The following EFHC2 variants were observed in gnomAD, a reference collection of about 807,000 sequenced individuals.
EFHC2 encodes EF-hand domain-containing family member C2.
EFHC2 carries 18 observed loss-of-function variants against 52.7 expected under a neutral mutation model. The ratio of observed to expected loss-of-function variants is 0.34; its 90% CI spans 0.24 to 0.51. The LOEUF (loss-of-function observed/expected upper bound fraction) is 0.51, where lower values mean the gene tolerates loss of function less well. EFHC2 is among the 20% of genes least tolerant of loss of function. The pLI is 0.97. For synonymous variants in EFHC2, 203 were observed against 204.1 expected, an observed-to-expected ratio of 0.99 and a Z score of 0.04; for missense variants, 513 against 562.5, an observed-to-expected ratio of 0.91 and a Z score of 0.89.
Position 44,242,265 on chromosome X carries a change from T to C in EFHC2, c.1136A>G (p.Lys379Arg). The C allele has an allele frequency of 8.3e-7, 1 of 1,208,224 alleles. No individual in the cohort carries two copies. The highest frequency in any genetic ancestry group is 1.8e-5 in the South Asian group (1 of 55,847). The change falls in exon 8 of 15, where the codon AAG becomes AGG. Residue 379 changes from lysine to arginine, a missense_variant. By Grantham distance (26) the Lys-to-Arg change is conservative (BLOSUM62 2). Coordinates refer to ENST00000420999, the MANE Select transcript of EFHC2 (RefSeq NM_025184.4). ...TATTTTTGGAGGAGGAGAAGGAGGC[T>C]TGCATGAAACTGAGGTAAAGTTCTC... ...GIENFTSVSC[K>R]PPSPPPKIER...
chrX:44,331,222 A>C (rs1248673001), intron 1 of EFHC2, among the ~76,000 whole-genome samples: 1 of 112,494 alleles, frequency 8.9e-6, no homozygotes, highest in African/African-American at 3.2e-5. Context: ...TGATATACGC[A>C]ACCACCTGGA....
chrX:44,315,771 G>T (rs762464224), intron 1 of EFHC2, among the ~76,000 whole-genome samples: 1 of 111,101 alleles, frequency 9.0e-6, no homozygotes, highest in Admixed American at 9.6e-5. Context: ...TCCAAGCAGG[G>T]TTAGGAGTGA....
intron 1 of EFHC2, among the ~76,000 whole-genome samples, chrX:44,314,984 T>G (rs184521052): frequency 8.9e-6 from 1 of 111,780 alleles, no homozygotes; most frequent in East Asian, 2.8e-4. Flanking sequence ...AATCTCATGT[T>G]GAAATGTGAT....
At chrX:44,167,528 T>C (rs183441414) in intron 13 of EFHC2, among the ~76,000 whole-genome samples, 19 of 112,648 alleles carry the variant, frequency 1.7e-4, no homozygotes, top group South Asian at 1.5e-3. Context: ...TAGGGGGACA[T>C]TTAAGAAGAA....
chrX:44,156,626 C>A (rs1296850950), intron 14 of EFHC2, among the ~76,000 whole-genome samples: 1 of 112,377 alleles, frequency 8.9e-6, no homozygotes, highest in Non-Finnish European at 1.9e-5. Context: ...TGCTTTAGAG[C>A]TGACTGCTAA....
At chrX:44,199,185 G>A (rs1310493048) in intron 11 of EFHC2, among the ~76,000 whole-genome samples, 2 of 112,597 alleles carry the variant, frequency 1.8e-5, no homozygotes, top group Non-Finnish European at 3.8e-5. Flanking sequence ...TGATGAGTGA[G>A]CTCTCGCTCT....
chrX:44,176,380 T>C lies in EFHC2; in HGVS notation c.1954A>G (p.Asn652Asp), dbSNP rs1205707616. The C allele has an allele frequency of 2.5e-6, 3 of 1,182,018 alleles. No homozygotes were observed. ...TTAATGTCTTTGGTGGGTAATACAT[T>C]TTTTCTGCATTAAAACAACGTAAAT... ...SCVYEDREKKNVLPTKDIKRL... is the reference protein window; with the variant it reads ...SCVYEDREKKDVLPTKDIKRL... Residue 652 changes from asparagine to aspartate, a missense_variant, in exon 13 of 15, where the codon AAT (asparagine) becomes GAT (aspartate). Transcript: ENST00000420999.
At chrX:44,256,641 T>C (rs2037493971) in intron 4 of EFHC2, among the ~76,000 whole-genome samples, 1 of 111,545 alleles carries the variant, frequency 9.0e-6, no homozygotes, top group East Asian at 2.8e-4. Flanking sequence ...GAGGCAGTAA[T>C]TAATAGCCTA....
intron 2 of EFHC2, among the ~76,000 whole-genome samples, chrX:44,308,819 T>C (rs1275516068): frequency 8.8e-6 from 1 of 113,049 alleles, no homozygotes; most frequent in African/African-American, 3.2e-5. Context: ...TAGTGAATTG[T>C]GAATTGGCTC....
intron 14 of EFHC2, among the ~76,000 whole-genome samples, chrX:44,149,185 A>G (rs1477085750): frequency 1.8e-5 from 2 of 112,015 alleles, no homozygotes; most frequent in Admixed American, 9.5e-5. Context: ...GCTTTGACCT[A>G]TGTACTATTA....
chrX:44,282,587 G>A (rs1336996780), intron 2 of EFHC2, among the ~76,000 whole-genome samples: 11 of 73,024 alleles, frequency 1.5e-4, no homozygotes, highest in Non-Finnish European at 2.8e-4. Context: ...CTGCAATCCA[G>A]CCTGGGCGAC....
intron 11 of EFHC2, among the ~76,000 whole-genome samples, chrX:44,214,822 G>A (rs2037131116): frequency 8.9e-6 from 1 of 112,160 alleles, no homozygotes; most frequent in African/African-American, 3.2e-5. Flanking sequence ...TTATATGTAA[G>A]TGAAATGAAT....
intron 4 of EFHC2, among the ~76,000 whole-genome samples, chrX:44,257,101 C>G (rs1361940235): frequency 9.0e-6 from 1 of 111,697 alleles, no homozygotes; most frequent in Non-Finnish European, 1.9e-5. Flanking sequence ...TTCAACACCC[C>G]TTCATGCTAA....
At chrX:44,242,619 T>A (rs1357909593) in intron 7 of EFHC2, among the ~76,000 whole-genome samples, 1 of 111,624 alleles carries the variant, frequency 9.0e-6, no homozygotes, top group Non-Finnish European at 1.9e-5. Flanking sequence ...ATATGAAAAT[T>A]CAAACTTGAA....
intron 2 of EFHC2, chrX:44,310,282 CG>C (rs1262430284): frequency 2.4e-5 from 25 of 1,021,265 alleles, no homozygotes; most frequent in Non-Finnish European, 2.9e-5. Context: ...TCCTCCACGC[CG>C]GGGGCAGCTG....
intron 14 of EFHC2, among the ~76,000 whole-genome samples, chrX:44,150,124 G>C (rs149434530): frequency 0.019 from 2,114 of 112,024 alleles, 20 homozygotes; most frequent in Admixed American, 0.032. Context: ...GACTGTCAAG[G>C]TTAATTGTTG....
Position 44,242,410 on chromosome X carries a change from C to G in EFHC2, c.1112-121G>C. On this transcript the variant is annotated intron_variant, in intron 7 of 14. Coordinates refer to ENST00000420999, the MANE Select transcript of EFHC2 (RefSeq NM_025184.4). ...AGATCTTTGTAGACTATTTTAAACT[C>G]TTTCAAACAAAACAGCAAAATCCTG... is the stretch of plus-strand genomic sequence containing the variant. 1 of 795,791 alleles carries G rather than the reference C, an allele frequency of 1.3e-6. No homozygotes were observed. Among genetic ancestry groups the G allele is most frequent in the Non-Finnish European group, 1.7e-6 (1 of 581,096 alleles). The allele number at this position is 795,791 out of a possible 1,213,427, so 65.6% of individuals were successfully genotyped here.
intron 11 of EFHC2, among the ~76,000 whole-genome samples, chrX:44,218,277 T>C (rs1229742905): frequency 9.0e-6 from 1 of 110,965 alleles, no homozygotes; most frequent in Admixed American, 9.6e-5. Context: ...AACTATAAGA[T>C]TTGAGAAAAC....
chrX:44,339,173 A>G (rs1050325335), intron 1 of EFHC2, among the ~76,000 whole-genome samples: 4 of 100,525 alleles, frequency 4.0e-5, no homozygotes, highest in Non-Finnish European at 8.0e-5. Flanking sequence ...CCTGGGTGAC[A>G]GAGCGAGACT....
Sources: gnomAD v4.1 joint callset for allele counts (sites outside exome capture counted in the v4.1 genomes callset) on GRCh38, gnomAD v4.1.1 for gene constraint, MANE v1.5 for transcripts, NCBI Gene and HGNC (gene_info 2026-07-23, HGNC 2026-07-21) for gene names.